The following SH3BGRL variants were observed in gnomAD, a reference collection of about 807,000 sequenced individuals.
SH3BGRL encodes the protein adapter SH3BGRL.
A neutral mutation model predicts 9.8 loss-of-function variants in SH3BGRL; 7 were observed. The observed-to-expected ratio is 0.72, with a 90% CI of 0.41 to 1.35. SH3BGRL has a LOEUF of 1.35. Ranked by LOEUF, SH3BGRL falls within the 40% of genes most tolerant of loss-of-function variation. The pLI, the probability that SH3BGRL is intolerant of heterozygous loss-of-function variation, is 0.01. For missense variants in SH3BGRL, 73 were observed against 84.4 expected, an observed-to-expected ratio of 0.86 and a Z score of 0.53; for synonymous variants, 36 against 29.1, an observed-to-expected ratio of 1.24 and a Z score of -0.76.
intron 1 of SH3BGRL, among the ~76,000 whole-genome samples, chrX:81,207,955 A>G (rs2075552133): frequency 8.9e-6 from 1 of 111,809 alleles, no homozygotes; most frequent in Non-Finnish European, 1.9e-5. Context: ...GTGAAAGTTT[A>G]GTAAAAGATT....
At chrX:81,278,491 G>A (rs1385087404) in intron 3 of SH3BGRL, 80 bp downstream of exon 3, 8 of 631,935 alleles carry the variant, frequency 1.3e-5, no homozygotes, top group African/African-American at 2.3e-5. Context: ...TTTCATTTTT[G>A]TTAAGTATTC....
intron 1 of SH3BGRL, among the ~76,000 whole-genome samples, chrX:81,263,872 A>G (rs2075748399): frequency 9.1e-6 from 1 of 109,547 alleles, no homozygotes; most frequent in South Asian, 4.0e-4. Context: ...TATATCTTCC[A>G]CACTAACTTT....
intron 1 of SH3BGRL, among the ~76,000 whole-genome samples, chrX:81,242,686 A>G (rs1184585214): frequency 8.9e-6 from 1 of 111,872 alleles, no homozygotes; most frequent in Non-Finnish European, 1.9e-5. Flanking sequence ...CAAGGTATTA[A>G]TAACCAGAAT....
rs1602635388 is a variant in SH3BGRL, at chrX:81,297,495, A to G, written c.*268A>G. The stretch of plus-strand genomic sequence containing the variant: ...GTTGTTACCTGCCAAGCCATCCTGT[A>G]TACACCAATGATTTTACAAAGAAAA... On this transcript the variant is annotated 3_prime_UTR_variant, in exon 4 of 4. Coordinates refer to ENST00000373212, the MANE Select transcript of SH3BGRL (RefSeq NM_003022.3). 1 of 204,367 alleles carries G rather than the reference A, an allele frequency of 4.9e-6. No homozygotes were observed. The allele number at this position is 204,367 out of a possible 1,213,427, so 16.8% of individuals were successfully genotyped here.
chrX:81,276,937 A>C (rs1476476056), intron 1 of SH3BGRL, 47 bp from the exon 2 acceptor site: 1 of 1,084,464 alleles, frequency 9.2e-7, no homozygotes, highest in African/African-American at 1.9e-5. Context: ...CAAACATTTG[A>C]CTTTTGTTGA....
chrX:81,272,882 C>T (rs991523902), intron 1 of SH3BGRL, among the ~76,000 whole-genome samples: 4 of 111,272 alleles, frequency 3.6e-5, no homozygotes, highest in East Asian at 2.8e-4. Context: ...AGGGAGACTC[C>T]GTATCTGAAT....
chrX:81,238,117 G>C (rs2147684808), intron 1 of SH3BGRL, among the ~76,000 whole-genome samples: 1 of 110,138 alleles, frequency 9.1e-6, no homozygotes, highest in Non-Finnish European at 1.9e-5. Flanking sequence ...AAAGGCCTTG[G>C]TTGGGTCTCT....
At chrX:81,241,438 T>C (rs970852335) in intron 1 of SH3BGRL, among the ~76,000 whole-genome samples, 1 of 111,154 alleles carries the variant, frequency 9.0e-6, no homozygotes, top group Non-Finnish European at 1.9e-5. Flanking sequence ...TGGCCCAGAG[T>C]GATAGCTTAT....
intron 1 of SH3BGRL, among the ~76,000 whole-genome samples, chrX:81,238,287 C>T (rs761536061): frequency 1.8e-5 from 2 of 111,709 alleles, no homozygotes; most frequent in South Asian, 3.8e-4. Context: ...AGTCTCAGGC[C>T]AGGCAACATT....
chrX:81,210,207 G>A (rs1261210015), intron 1 of SH3BGRL, among the ~76,000 whole-genome samples: 1 of 110,648 alleles, frequency 9.0e-6, no homozygotes, highest in African/African-American at 3.3e-5. Context: ...TTCATCTTAG[G>A]TAACATTTAC....
intron 1 of SH3BGRL, among the ~76,000 whole-genome samples, chrX:81,261,392 G>A: frequency 9.0e-6 from 1 of 111,036 alleles, no homozygotes; most frequent in Non-Finnish European, 1.9e-5. Flanking sequence ...TTATTGATAT[G>A]AATTATAAGA....
At position 81,291,144 on chromosome X, in the gene SH3BGRL, G is replaced by T. The variant is rs192427055; in HGVS notation, c.313-6051G>T. On this transcript the variant is annotated intron_variant, in intron 3 of 3. Coordinates refer to ENST00000373212, the MANE Select transcript of SH3BGRL (RefSeq NM_003022.3). ...ACTGTTAAAGCTTCAAAAGAACTTA[G>T]GGACTTTTCCTTTTTTGACTAGGCA... is the stretch of plus-strand genomic sequence containing the variant. Among the ~76,000 whole-genome samples the T allele has an allele frequency of 4.5e-3, 505 of 111,866 alleles. 4 individuals carry two copies. The highest frequency in any genetic ancestry group is 0.015 in the African/African-American group (469 of 30,867).
intron 1 of SH3BGRL, among the ~76,000 whole-genome samples, chrX:81,212,769 C>G (rs1190789085): frequency 9.0e-6 from 1 of 111,520 alleles, no homozygotes; most frequent in African/African-American, 3.3e-5. Context: ...ATGCCAGGGA[C>G]TGCTTGGGAC....
chrX:81,217,224 C>A (rs1277353561), intron 1 of SH3BGRL, among the ~76,000 whole-genome samples: 1 of 110,537 alleles, frequency 9.0e-6, no homozygotes, highest in Non-Finnish European at 1.9e-5. Flanking sequence ...AAAAAACCAG[C>A]TTTTTGTTTC....
chrX:81,210,636 AC>A (rs2075560209), intron 1 of SH3BGRL, among the ~76,000 whole-genome samples: 1 of 110,800 alleles, frequency 9.0e-6, no homozygotes, highest in South Asian at 3.9e-4. Context: ...CTAGTAAAGT[AC>A]CCCCCAGGTT....
chrX:81,211,479 C>T (rs1430211367), intron 1 of SH3BGRL, among the ~76,000 whole-genome samples: 1 of 110,178 alleles, frequency 9.1e-6, no homozygotes, highest in Non-Finnish European at 1.9e-5. Context: ...CCCAGCTACT[C>T]GGGAGGCTGA....
At chrX:81,266,670 G>A (rs144073574) in intron 1 of SH3BGRL, among the ~76,000 whole-genome samples, 1,957 of 111,696 alleles carry the variant, frequency 0.018, 43 homozygotes, top group African/African-American at 0.06. Flanking sequence ...TCTTGCCCAG[G>A]ACTGTCTTGG....
chrX:81,272,189 TG>T (rs2075782497), intron 1 of SH3BGRL, among the ~76,000 whole-genome samples: 1 of 46,764 alleles, frequency 2.1e-5, no homozygotes, highest in African/African-American at 8.6e-5. Flanking sequence ...AGAGTGAGAC[TG>T]CGTCCAAAAA....
intron 1 of SH3BGRL, among the ~76,000 whole-genome samples, chrX:81,226,423 C>T (rs886136357): frequency 9.5e-6 from 1 of 105,792 alleles, no homozygotes; most frequent in Non-Finnish European, 1.9e-5. Context: ...TTGAGCCTCC[C>T]TAATATTTTT....
Sources: allele counts gnomAD v4.1 joint callset (sites outside exome capture counted in the v4.1 genomes callset), GRCh38; gene constraint gnomAD v4.1.1; transcripts MANE v1.5; gene names NCBI Gene and HGNC (gene_info 2026-07-23, HGNC 2026-07-21).